HS6ST2: variants seen among roughly 807,000 people sequenced by gnomAD.
The protein encoded by HS6ST2 is heparan sulfate 6-O-sulfotransferase 2.
A neutral mutation model predicts 33.0 loss-of-function variants in HS6ST2; 17 were observed. The observed-to-expected ratio is 0.52, with a 90% confidence interval of 0.35 to 0.77. HS6ST2 has a LOEUF of 0.77. Ranked by LOEUF, HS6ST2 falls within the 30% of genes least tolerant of loss-of-function variation. The probability of loss-of-function intolerance (pLI) is 0.01; values close to 1 mark genes in which losing one functional copy is unlikely to be tolerated. For missense variants in HS6ST2, 519 were observed against 551.7 expected (o/e 0.94, Z 0.59); for synonymous variants, 248 against 237.1 (o/e 1.05, Z -0.42).
At chrX:132,949,773 A>G (rs1428792892) in intron 2 of HS6ST2, among the ~76,000 whole-genome samples, 1 of 111,731 alleles carries the variant, frequency 9.0e-6, no homozygotes, top group Non-Finnish European at 1.9e-5. Flanking sequence ...AATCACTAAT[A>G]GATCTATTTA....
At chrX:132,637,453 AG>A (rs1320850266) in intron 4 of HS6ST2, among the ~76,000 whole-genome samples, 2 of 109,665 alleles carry the variant, frequency 1.8e-5, no homozygotes, top group Non-Finnish European at 3.8e-5. Flanking sequence ...GGGAAAGTCC[AG>A]GGAATGTTAC....
rs955805287 is a variant in HS6ST2 at position 132,953,380 on chromosome X, C to G, written c.947+3428G>C. On this transcript the variant is annotated intron_variant, in intron 2 of 4. Coordinates refer to ENST00000370833, the MANE Select transcript of HS6ST2 (RefSeq NM_001394073.1). ...AGCCAAGCTCTCTCTCTCTCTCTCT[C>G]TTTGTCCTCTCCAGGCAACGTGATC... Among the ~76,000 whole-genome samples the G allele has an allele frequency of 6.4e-5, 7 of 109,958 alleles. No individual in the cohort carries two copies. The Admixed American group carries it at 6.7e-4, about 10-fold the overall frequency.
intron 2 of HS6ST2, among the ~76,000 whole-genome samples, chrX:132,762,788 C>T (rs1046614760): frequency 5.4e-5 from 6 of 111,867 alleles, no homozygotes; most frequent in African/African-American, 2.0e-4. Context: ...AGGGAAAACT[C>T]ACTCTTCTTT....
chrX:132,752,852 A>T (rs1351904957), intron 2 of HS6ST2, among the ~76,000 whole-genome samples: 1 of 112,086 alleles, frequency 8.9e-6, no homozygotes, highest in Non-Finnish European at 1.9e-5. Context: ...TCTAATTGGT[A>T]TTGATGTGAA....
At chrX:132,707,258 G>A (rs774950327) in intron 3 of HS6ST2, among the ~76,000 whole-genome samples, 13 of 112,140 alleles carry the variant, frequency 1.2e-4, no homozygotes, top group Non-Finnish European at 2.3e-4. Context: ...CACCTCATTA[G>A]TAACAGAACT....
intron 4 of HS6ST2, among the ~76,000 whole-genome samples, chrX:132,656,799 C>T (rs1675995636): frequency 8.9e-6 from 1 of 111,788 alleles, no homozygotes; most frequent in Admixed American, 9.5e-5. Flanking sequence ...AGAGTGAGGG[C>T]CTGGAGCCCC....
At chrX:132,913,545 G>A (rs1038472104) in intron 2 of HS6ST2, among the ~76,000 whole-genome samples, 1 of 112,551 alleles carries the variant, frequency 8.9e-6, no homozygotes, top group African/African-American at 3.2e-5. Flanking sequence ...CAGGCTGAGT[G>A]TGGATCCTGT....
chrX:132,779,682 C>T (rs1306776457), intron 2 of HS6ST2, among the ~76,000 whole-genome samples: 1 of 109,109 alleles, frequency 9.2e-6, no homozygotes, highest in Non-Finnish European at 1.9e-5. Flanking sequence ...TCCCCTGCCA[C>T]GTCCAGAACA....
At chrX:132,875,500 GA>G (rs1360485227) in intron 2 of HS6ST2, among the ~76,000 whole-genome samples, 1 of 110,645 alleles carries the variant, frequency 9.0e-6, no homozygotes, top group Non-Finnish European at 1.9e-5. Context: ...AAAAAAATGT[GA>G]AAAAAAAGTC....
chrX:132,882,456 G>A (rs1057010001), intron 2 of HS6ST2, among the ~76,000 whole-genome samples: 1 of 105,103 alleles, frequency 9.5e-6, no homozygotes, highest in Non-Finnish European at 2.0e-5. Flanking sequence ...GAATGCTTGT[G>A]ATTTTTGCAC....
chrX:132,741,148 T>C (rs1457141492), intron 2 of HS6ST2, among the ~76,000 whole-genome samples: 1 of 111,841 alleles, frequency 8.9e-6, no homozygotes, highest in African/African-American at 3.2e-5. Flanking sequence ...TGCCCAAGCC[T>C]GGCCAGCTGC....
intron 3 of HS6ST2, among the ~76,000 whole-genome samples, chrX:132,681,569 G>A (rs747594327): frequency 5.4e-5 from 6 of 111,739 alleles, no homozygotes; most frequent in Non-Finnish European, 9.4e-5. Flanking sequence ...AGGATCAATT[G>A]AGGCCAGGAG....
intron 3 of HS6ST2, among the ~76,000 whole-genome samples, chrX:132,689,120 C>A (rs1293296860): frequency 8.9e-6 from 1 of 112,008 alleles, no homozygotes; most frequent in East Asian, 2.8e-4. Context: ...CTGGAATCAA[C>A]CCTCCTTCAT....
intron 2 of HS6ST2, among the ~76,000 whole-genome samples, chrX:132,922,961 G>C (rs1217783857): frequency 9.3e-6 from 1 of 107,446 alleles, no homozygotes; most frequent in Non-Finnish European, 1.9e-5. Context: ...TAGTTGGGAC[G>C]CTGAGACATG....
intron 2 of HS6ST2, among the ~76,000 whole-genome samples, chrX:132,777,099 G>A (rs1260319334): frequency 9.7e-6 from 1 of 102,750 alleles, no homozygotes; most frequent in Non-Finnish European, 2.0e-5. Context: ...CTGGCATCTA[G>A]TAGGCCAGGG....
At chrX:132,926,687 C>T (rs2148482883) in intron 2 of HS6ST2, among the ~76,000 whole-genome samples, 1 of 112,172 alleles carries the variant, frequency 8.9e-6, no homozygotes, top group Non-Finnish European at 1.9e-5. Flanking sequence ...CTTTGGGAGG[C>T]CAAGGCGGGT....
At chrX:132,750,274 T>C (rs2064689808) in intron 2 of HS6ST2, among the ~76,000 whole-genome samples, 1 of 102,982 alleles carries the variant, frequency 9.7e-6, no homozygotes, top group Non-Finnish European at 2.0e-5. Flanking sequence ...AGGTGCTCAA[T>C]AAATGTTGAC....
At chrX:132,638,637 T>C (rs1381843744) in intron 4 of HS6ST2, among the ~76,000 whole-genome samples, 1 of 112,221 alleles carries the variant, frequency 8.9e-6, no homozygotes, top group Non-Finnish European at 1.9e-5. Flanking sequence ...CTAAATGATC[T>C]GGATGCTGAA....
At chrX:132,733,889 G>A (rs191695432) in intron 2 of HS6ST2, among the ~76,000 whole-genome samples, 1 of 107,642 alleles carries the variant, frequency 9.3e-6, no homozygotes, top group East Asian at 2.9e-4. Context: ...ACTTACCCAC[G>A]ATCAAAGCTA....
Sources: allele counts gnomAD v4.1 joint callset (sites outside exome capture counted in the v4.1 genomes callset), GRCh38; gene constraint gnomAD v4.1.1; transcripts MANE v1.5; gene names NCBI Gene and HGNC (gene_info 2026-07-23, HGNC 2026-07-21).